The following ACTL6B variants were observed in gnomAD, a reference collection of about 807,000 sequenced individuals.
ACTL6B encodes the protein actin-like protein 6B.
ACTL6B carries 48 observed loss-of-function variants against 63.3 expected under a neutral mutation model. The ratio of observed to expected loss-of-function variants is 0.76; its 90% CI spans 0.60 to 0.96. The LOEUF is 0.96. ACTL6B is among the 50% of genes least tolerant of loss of function. The probability of loss-of-function intolerance (pLI) is 0.00; values close to 1 mark genes in which losing one functional copy is unlikely to be tolerated. For missense variants in ACTL6B, 350 were observed against 572.2 expected, an observed-to-expected ratio of 0.61 and a Z score of 3.96; for synonymous variants, 230 against 223.8, an observed-to-expected ratio of 1.03 and a Z score of -0.25.
In ACTL6B at chr7:100,646,455, A is replaced by T; in HGVS notation, c.1113+96T>A. 6.5e-7 allele frequency: 1 copy of T among 1,545,766 alleles called. No homozygotes were observed. On this transcript the variant is annotated intron_variant, in intron 12 of 13. Coordinates refer to ENST00000160382, the MANE Select transcript of ACTL6B (RefSeq NM_016188.5). This position sits in a 1 kb window ranked among gnomAD's most constrained non-coding sequence, Gnocchi z 6.1. ...CAGGGGTTCTGCTCTGGTGGCCAGA[A>T]CAGAAGGAAGGACATGGGAAGGATG...
At chr7:100,644,868 C>T (rs1803792761) in intron 13 of ACTL6B, among the ~76,000 whole-genome samples, 1 of 152,084 alleles carries the variant, frequency 6.6e-6, no homozygotes, top group African/African-American at 2.4e-5. Context: ...CAAGCTTAGC[C>T]AACACGGTGA....
chr7:100,653,883 C>G lies in ACTL6B; in HGVS notation c.369+1136G>C, dbSNP rs568987676. On this transcript the variant is annotated intron_variant, in intron 4 of 13. Transcript: ENST00000160382. ...ATTAGAGATATGGAAGAAAATACCC[C>G]CAACATTAGCTAAAAAGGAGAAAAA... is the stretch of plus-strand genomic sequence containing the variant. Among the ~76,000 whole-genome samples, 14 of 152,148 alleles carry G rather than the reference C, an allele frequency of 9.2e-5. No homozygotes were observed. The South Asian group carries it at 2.9e-3, about 32-fold the overall frequency.
At position 100,646,236 on chromosome 7, in the gene ACTL6B, C is replaced by A. The variant is rs775509605; in HGVS notation, c.1200+13G>T. On this transcript the variant is annotated intron_variant, in intron 13 of 13. Transcript: ENST00000160382. The surrounding 1 kb of genome is among the most constrained non-coding windows in gnomAD (Gnocchi z 6.1). ...CCCACAGTCAGTGCTAGGCCAGGTC[C>A]CTTTCCTCTCACCAGTGAGGCCAGG... The A allele has an allele frequency of 2.5e-6, 4 of 1,612,902 alleles. No homozygotes were observed. The South Asian group carries it at 4.4e-5, about 18-fold the overall frequency.
At position 100,655,854 on chromosome 7, in the gene ACTL6B, G is replaced by A. The variant is rs1804030510; in HGVS notation, c.51C>T (p.Asp17=). The change falls in exon 2 of 14, where the codon GAC becomes GAT. Residue 17 remains aspartate, a synonymous_variant. Transcript: ENST00000160382. This position sits in a 1 kb window ranked among gnomAD's most constrained non-coding sequence, Gnocchi z 4.4. Reference sequence around the variant, plus strand: ...CAGCGCGGACTGAGAAGGAGCCAATGTCAAAGACCAGCGCCCCCACCTCAT... The same window carrying A: ...CAGCGCGGACTGAGAAGGAGCCAATATCAAAGACCAGCGCCCCCACCTCAT... The part of the protein sequence containing the change: ...GGDEVGALVF[D]IGSFSVRAGY... The A allele has an allele frequency of 1.3e-6, 2 of 1,574,798 alleles. No individual in the cohort carries two copies. Among genetic ancestry groups the A allele is most frequent in the African/African-American group, 2.7e-5 (2 of 73,892 alleles).
chr7:100,647,034 A>G lies in ACTL6B; in HGVS notation c.873T>C (p.Asn291=). The G allele has an allele frequency of 1.2e-6, 2 of 1,614,002 alleles. No individual in the cohort carries two copies. Among genetic ancestry groups the G allele is most frequent in the Non-Finnish European group, 1.7e-6 (2 of 1,179,992 alleles). ...TVHYEMPNGY[N]TDYGAERLRI... is the part of the protein sequence containing the mutation. ...GGAGTCGCTCGGCGCCGTAGTCTGT[A>G]TTGTAGCCATTGGGCATCTCGTAGT... Residue 291 remains asparagine, a synonymous_variant, in exon 10 of 14, where the codon AAT becomes AAC. Coordinates refer to ENST00000160382, the MANE Select transcript of ACTL6B (RefSeq NM_016188.5). This position sits in a 1 kb window ranked among gnomAD's most constrained non-coding sequence, Gnocchi z 4.4.
chr7:100,655,297 C>T lies in ACTL6B; in HGVS notation c.268+124G>A, dbSNP rs1326488368. 7.6e-7 allele frequency: 1 copy of T among 1,314,604 alleles called. No homozygotes were observed. Among genetic ancestry groups the T allele is most frequent in the African/African-American group, 1.5e-5 (1 of 68,232 alleles). The allele number at this position is 1,314,604 out of a possible 1,614,324, so 81.4% of individuals were successfully genotyped here. A position where few individuals can be genotyped will look rare whatever the true frequency, so the allele number is the denominator to read the frequency against. ...GGGAAGGGAACCCAGCGAGAAGAAC[C>T]CTGGCAGCCAGAAGAACCCTGGGGC... On this transcript the variant is annotated intron_variant, in intron 3 of 13. Coordinates refer to ENST00000160382, the MANE Select transcript of ACTL6B (RefSeq NM_016188.5). The surrounding 1 kb of genome is among the most constrained non-coding windows in gnomAD (Gnocchi z 4.4).
rs1803861283 is a variant in ACTL6B, at chr7:100,648,153, C to T, written c.669+403G>A. On this transcript the variant is annotated intron_variant, in intron 7 of 13. Transcript: ENST00000160382. The surrounding 1 kb of genome is among the most constrained non-coding windows in gnomAD (Gnocchi z 4.4). ...TCTTGCAGTTTTAGTAGAGACGTGG[C>T]TTCACCATGTTGCCCAGGCTGGTCT... 6.3e-6 allele frequency: 1 copy of T among 159,812 alleles called. No individual in the cohort carries two copies. The highest frequency in any genetic ancestry group is 6.3e-5 in the Admixed American group (1 of 15,860). The allele number at this position is 159,812 out of a possible 1,614,324, so 9.9% of individuals were successfully genotyped here.
Position 100,646,663 on chromosome 7 carries a change from G to A in ACTL6B, c.1018-17C>T. The A allele has an allele frequency of 6.2e-7, 1 of 1,613,894 alleles. No homozygotes were observed. The highest frequency in any genetic ancestry group is 8.5e-7 in the Non-Finnish European group (1 of 1,179,906). On this transcript the variant is annotated splice_polypyrimidine_tract_variant and intron_variant, in intron 11 of 13. Transcript: ENST00000160382. The surrounding 1 kb of genome is among the most constrained non-coding windows in gnomAD (Gnocchi z 6.1). ...GTACAGGCCCTGAGAGCAGGGAGAAGGAGTGAGCTGCGGGGGCAGCCCCCC... is the reference window on the plus strand; with the variant it reads ...GTACAGGCCCTGAGAGCAGGGAGAAAGAGTGAGCTGCGGGGGCAGCCCCCC...
At chr7:100,644,313 C>T (rs981373672) in intron 13 of ACTL6B, among the ~76,000 whole-genome samples, 3 of 152,270 alleles carry the variant, frequency 2.0e-5, no homozygotes, top group African/African-American at 7.2e-5. Context: ...GGATTACAGG[C>T]GTGAGCTACC....
In ACTL6B at chr7:100,653,835, A is replaced by G. The variant is rs376981417; in HGVS notation, c.369+1184T>C. Among the ~76,000 whole-genome samples, 100 of 152,314 alleles carry G rather than the reference A, an allele frequency of 6.6e-4. 1 individual carries two copies. The highest frequency in any genetic ancestry group is 2.3e-3 in the African/African-American group (95 of 41,560). ...GATAATACCTAAAACTAAACACTCCACAGGCAGCAATTTAAGTGTAGTATT... is the reference window on the plus strand; with the variant it reads ...GATAATACCTAAAACTAAACACTCCGCAGGCAGCAATTTAAGTGTAGTATT... On this transcript the variant is annotated intron_variant, in intron 4 of 13. Coordinates refer to ENST00000160382, the MANE Select transcript of ACTL6B (RefSeq NM_016188.5).
At position 100,655,171 on chromosome 7, in the gene ACTL6B, G is replaced by T. The variant is rs1430948639; in HGVS notation, c.269-52C>A. ...GACGCAAGAAGGCAGGCAGGGGACA[G>T]GGACAGGAAGAAAAGGAGGGAGAAA... is the stretch of plus-strand genomic sequence containing the variant. On this transcript the variant is annotated intron_variant, in intron 3 of 13. Coordinates refer to ENST00000160382, the MANE Select transcript of ACTL6B (RefSeq NM_016188.5). The surrounding 1 kb of genome is among the most constrained non-coding windows in gnomAD (Gnocchi z 4.4). The T allele has an allele frequency of 6.0e-6, 9 of 1,494,700 alleles. No individual in the cohort carries two copies. Among genetic ancestry groups the T allele is most frequent in the Non-Finnish European group, 8.4e-6 (9 of 1,074,876 alleles). The allele number at this position is 1,494,700 out of a possible 1,614,324, so 92.6% of individuals were successfully genotyped here.
Position 100,646,684 on chromosome 7 carries a change from C to T in ACTL6B, c.1018-38G>A, listed in dbSNP as rs1236158437. ...AGAAGGAGTGAGCTGCGGGGGCAGCCCCCCAACCCCGTCTCCCCACTTCCC... is the reference window on the plus strand; with the variant it reads ...AGAAGGAGTGAGCTGCGGGGGCAGCTCCCCAACCCCGTCTCCCCACTTCCC... On this transcript the variant is annotated intron_variant, in intron 11 of 13. Transcript: ENST00000160382. This position sits in a 1 kb window ranked among gnomAD's most constrained non-coding sequence, Gnocchi z 6.1. 8 of 1,613,124 alleles carry T rather than the reference C, an allele frequency of 5.0e-6. 1 individual carries two copies. The highest frequency in any genetic ancestry group is 4.5e-5 in the East Asian group (2 of 44,852).
Position 100,647,251 on chromosome 7 carries a change from G to A in ACTL6B, c.793C>T (p.Gln265Ter). 6.2e-7 allele frequency: 1 copy of A among 1,612,912 alleles called. No homozygotes were observed. Among genetic ancestry groups the A allele is most frequent in the Non-Finnish European group, 8.5e-7 (1 of 1,179,928 alleles). Residue 265 changes from glutamine (Q) to a stop codon, truncating the protein, a stop_gained, in exon 9 of 14, where the codon CAG becomes TAG. Coordinates refer to ENST00000160382, the MANE Select transcript of ACTL6B (RefSeq NM_016188.5). LOFTEE classifies it high-confidence loss of function. The surrounding 1 kb of genome is among the most constrained non-coding windows in gnomAD (Gnocchi z 4.4). Reference sequence around the variant, plus strand: ...TCATCGTAGGGGGAGTCTGAGACCTGCAGCACGGAGGCCTGGAAGTCCTGG... The same window carrying A: ...TCATCGTAGGGGGAGTCTGAGACCTACAGCACGGAGGCCTGGAAGTCCTGG... ...VIQDFQASVL[Q>*]VSDSPYDEQV...
rs1803825262 is a variant in ACTL6B, at chr7:100,646,541, G to T, written c.1113+10C>A. The stretch of plus-strand genomic sequence containing the variant: ...GTGTCCAGGGCTCTGGGTCAGGGGT[G>T]GGCTCCTACCGGTGGGGTCTTCTGG... On this transcript the variant is annotated intron_variant, in intron 12 of 13. Coordinates refer to ENST00000160382, the MANE Select transcript of ACTL6B (RefSeq NM_016188.5). This position sits in a 1 kb window ranked among gnomAD's most constrained non-coding sequence, Gnocchi z 6.1. 6.2e-7 allele frequency: 1 copy of T among 1,613,772 alleles called. No homozygotes were observed. The highest frequency in any genetic ancestry group is 8.5e-7 in the Non-Finnish European group (1 of 1,179,788).
Position 100,643,723 on chromosome 7 carries a change from A to AC in ACTL6B, c.1201-398dup, listed in dbSNP as rs1803766395. Among the ~76,000 whole-genome samples, 4 of 151,918 alleles carry AC rather than the reference A, an allele frequency of 2.6e-5. No individual in the cohort carries two copies. In the South Asian group the frequency reaches 8.3e-4, roughly 32 times the overall value. On this transcript the variant is annotated intron_variant, in intron 13 of 13. Coordinates refer to ENST00000160382, the MANE Select transcript of ACTL6B (RefSeq NM_016188.5). The stretch of plus-strand genomic sequence containing the variant: ...TCTCACTCCATCAGGGCTTTGGAAC[A>AC]CCGCCAGTCTCCCTCTTTCCCAAGG...
rs775512144 is a variant in ACTL6B, at chr7:100,646,658, GAGA to G, written c.1018-15_1018-13del. The G allele has an allele frequency of 2.4e-5, 38 of 1,613,900 alleles. No individual in the cohort carries two copies. The highest frequency in any genetic ancestry group is 2.0e-4 in the East Asian group (9 of 44,890). On this transcript the variant is annotated splice_polypyrimidine_tract_variant and intron_variant, in intron 11 of 13. Coordinates refer to ENST00000160382, the MANE Select transcript of ACTL6B (RefSeq NM_016188.5). The surrounding 1 kb of genome is among the most constrained non-coding windows in gnomAD (Gnocchi z 6.1). The stretch of plus-strand genomic sequence containing the variant: ...CTCCCGTACAGGCCCTGAGAGCAGG[GAGA>G]AGGAGTGAGCTGCGGGGGCAGCCCC...
chr7:100,653,082 T>C (rs1030939285), intron 4 of ACTL6B, among the ~76,000 whole-genome samples: 1 of 138,584 alleles, frequency 7.2e-6, no homozygotes, highest in African/African-American at 2.7e-5. Flanking sequence ...AAACAAAAAG[T>C]TGCACAAGAA....
chr7:100,644,760 A>G (rs967500462), intron 13 of ACTL6B, among the ~76,000 whole-genome samples: 1 of 149,948 alleles, frequency 6.7e-6, no homozygotes, highest in Admixed American at 6.6e-5. Flanking sequence ...ATATATTATT[A>G]ATACTTAATT....
At chr7:100,656,061 G>T (rs1377430963) in intron 1 of ACTL6B, among the ~76,000 whole-genome samples, 182 bp from the exon 2 acceptor site, 1 of 152,258 alleles carries the variant, frequency 6.6e-6, no homozygotes, top group Non-Finnish European at 1.5e-5. Context: ...CACCGCCAGG[G>T]TCCCTTCTTG....
Sources: allele counts gnomAD v4.1 joint callset (sites outside exome capture counted in the v4.1 genomes callset), GRCh38; gene constraint gnomAD v4.1.1; non-coding constraint Gnocchi (gnomAD v3.1); transcripts MANE v1.5; gene names NCBI Gene and HGNC (gene_info 2026-07-23, HGNC 2026-07-21).